SH3RF2: variants seen among roughly 807,000 people sequenced by gnomAD.
SH3RF2 encodes SH3 domain containing ring finger 2.
A neutral mutation model predicts 59.0 loss-of-function variants in SH3RF2; 43 were observed. That is an observed-to-expected ratio of 0.73 (90% CI 0.57 to 0.94). The LOEUF is 0.94. Ranked by LOEUF, SH3RF2 falls within the 40% of genes least tolerant of loss-of-function variation. The pLI, the probability that SH3RF2 is intolerant of heterozygous loss-of-function variation, is 0.00. For missense variants in SH3RF2, 930 were observed against 940.1 expected, an observed-to-expected ratio of 0.99 and a Z score of 0.14; for synonymous variants, 391 against 391.5, an observed-to-expected ratio of 1.00 and a Z score of 0.01.
At chr5:146,033,671 T>C (rs1761824535) in intron 5 of SH3RF2, among the ~76,000 whole-genome samples, 1 of 151,762 alleles carries the variant, frequency 6.6e-6, no homozygotes, top group Non-Finnish European at 1.5e-5. Context: ...GGTTTCTCCA[T>C]GTGGGTCAGG....
At chr5:146,009,877 TA>T (rs1447452869) in intron 4 of SH3RF2, among the ~76,000 whole-genome samples, 1 of 152,210 alleles carries the variant, frequency 6.6e-6, no homozygotes, top group East Asian at 1.9e-4. Context: ...CTATCTCAGC[TA>T]TTTTTTTGTT....
intron 8 of SH3RF2, 92 bp downstream of exon 8, chr5:146,056,305 T>A (rs2150019725): frequency 1.9e-6 from 3 of 1,574,120 alleles, no homozygotes; most frequent in Non-Finnish European, 2.6e-6. Flanking sequence ...AAAAACAGGA[T>A]CTTGGCTTTA....
intron 7 of SH3RF2, among the ~76,000 whole-genome samples, chr5:146,054,094 C>T (rs1294702214): frequency 1.3e-5 from 2 of 152,124 alleles, no homozygotes; most frequent in Non-Finnish European, 2.9e-5. Flanking sequence ...ATAATGTCTG[C>T]AGGTCTGGGG....
chr5:146,071,368 G>A (rs149712756), intron 9 of SH3RF2, among the ~76,000 whole-genome samples: 6 of 152,194 alleles, frequency 3.9e-5, no homozygotes, highest in Admixed American at 6.5e-5. Context: ...CTTAGATAGC[G>A]CTAGCCTCCA....
At chr5:146,064,775 GA>G (rs70998050), downstream of SH3RF2, among the ~76,000 whole-genome samples, 6,026 of 23,556 alleles carry the variant, frequency 0.26, 1,339 homozygotes, top group Non-Finnish European at 0.33. Flanking sequence ...AGGAAGGAAG[GA>G]AAGGAAGGAA....
chr5:145,988,276 A>G (rs1305034087), intron 2 of SH3RF2, among the ~76,000 whole-genome samples: 1 of 151,558 alleles, frequency 6.6e-6, no homozygotes, highest in East Asian at 1.9e-4. Context: ...CGTTTGGCCC[A>G]GAGCCCCCAC....
rs747200346 is a variant in SH3RF2, at chr5:146,056,087, C to T, written c.1429C>T (p.Arg477Trp). ...AGGCAGCATTTCAGAAGGTGATCCACGGCAAAGCCGTCCCTTCAAATCCGT... is the reference window on the plus strand; with the variant it reads ...AGGCAGCATTTCAGAAGGTGATCCATGGCAAAGCCGTCCCTTCAAATCCGT... ...SQGSISEGDP[R>W]QSRPFKSVFV... Residue 477 changes from arginine (R) to tryptophan (W), a missense_variant, in exon 8 of 10, where the codon CGG becomes TGG. Coordinates refer to ENST00000359120, the MANE Select transcript of SH3RF2 (RefSeq NM_152550.4). 6.8e-6 allele frequency: 11 copies of T among 1,614,126 alleles called. No individual in the cohort carries two copies. Among genetic ancestry groups the T allele is most frequent in the East Asian group, 4.5e-5 (2 of 44,896 alleles).
downstream of SH3RF2, among the ~76,000 whole-genome samples, chr5:146,064,589 GAGA>G (rs1561772930): frequency 9.0e-4 from 55 of 61,100 alleles, 6 homozygotes; most frequent in African/African-American, 2.5e-3. Flanking sequence ...GGAAGGGGGA[GAGA>G]GAGAGAGAGA....
chr5:145,958,221 T>G (rs1230034888), intron 2 of SH3RF2, among the ~76,000 whole-genome samples: 2 of 152,220 alleles, frequency 1.3e-5, no homozygotes, highest in Non-Finnish European at 2.9e-5. Flanking sequence ...TTTCCTCCTC[T>G]GTAAAACCGT....
intron 5 of SH3RF2, among the ~76,000 whole-genome samples, chr5:146,018,699 A>C (rs1030708312): frequency 9.9e-5 from 15 of 152,108 alleles, no homozygotes; most frequent in Non-Finnish European, 1.9e-4. Context: ...TCTTTGAGAG[A>C]GCTCCATACT....
At chr5:146,059,528 ACGCGCGCG>A (rs1561769308) in intron 8 of SH3RF2, among the ~76,000 whole-genome samples, 15 of 150,898 alleles carry the variant, frequency 9.9e-5, no homozygotes, top group African/African-American at 3.7e-4. Context: ...TGTCTGCTTC[ACGCGCGCG>A]TGTGTGTGTG....
intron 2 of SH3RF2, among the ~76,000 whole-genome samples, chr5:145,968,120 G>A (rs59770130): frequency 0.077 from 11,690 of 152,148 alleles, 1,523 homozygotes; most frequent in African/African-American, 0.27. Flanking sequence ...TTCTCCAGAG[G>A]GTCCATGATA....
intron 5 of SH3RF2, among the ~76,000 whole-genome samples, chr5:146,021,611 T>A (rs1317696480): frequency 6.6e-6 from 1 of 152,238 alleles, no homozygotes; most frequent in African/African-American, 2.4e-5. Flanking sequence ...TGGGTAAATA[T>A]AACCCCTTAA....
At chr5:146,001,466 G>T (rs1760403654) in intron 3 of SH3RF2, among the ~76,000 whole-genome samples, 1 of 152,112 alleles carries the variant, frequency 6.6e-6, no homozygotes, top group African/African-American at 2.4e-5. Context: ...TATTATTGCC[G>T]TGGAACCTCA....
At chr5:145,988,440 C>A (rs566130414) in intron 2 of SH3RF2, among the ~76,000 whole-genome samples, 104 of 152,096 alleles carry the variant, frequency 6.8e-4, no homozygotes, top group African/African-American at 2.4e-3. Flanking sequence ...GTTTGGATAA[C>A]CCAGACTTGC....
exon 10 of SH3RF2, chr5:146,079,433 A>G (rs543449279): frequency 6.6e-6 from 1 of 152,366 alleles, no homozygotes; most frequent in Non-Finnish European, 1.5e-5. Flanking sequence ...CTCTTAAGAC[A>G]TCAATAAGAA....
chr5:145,949,437 G>C (rs963250932), intron 2 of SH3RF2, among the ~76,000 whole-genome samples: 6 of 152,206 alleles, frequency 3.9e-5, no homozygotes, highest in African/African-American at 1.4e-4. Context: ...TGATATTAAC[G>C]AGCTGCCTGG....
chr5:146,013,686 A>T, intron 4 of SH3RF2, 61 bp from the exon 5 acceptor site: 1 of 1,588,712 alleles, frequency 6.3e-7, no homozygotes, highest in Non-Finnish European at 8.6e-7. Context: ...CATGGGTAGG[A>T]ACTGGCTACT....
chr5:146,064,796 G>GA (rs1258451628), downstream of SH3RF2, among the ~76,000 whole-genome samples: 91 of 35,432 alleles, frequency 2.6e-3, 4 homozygotes, highest in African/African-American at 7.6e-3. Context: ...AGGAAGGAAG[G>GA]AAGGAAGGAA....
Sources: allele counts gnomAD v4.1 joint callset (sites outside exome capture counted in the v4.1 genomes callset), GRCh38; gene constraint gnomAD v4.1.1; transcripts MANE v1.5; gene names NCBI Gene and HGNC (gene_info 2026-07-23, HGNC 2026-07-21).